SVOPL: variants seen among roughly 807,000 people sequenced by gnomAD.
SVOPL encodes putative transporter SVOPL.
In SVOPL, 60 loss-of-function variants were observed where a neutral mutation model predicts 61.0. The observed-to-expected ratio is 0.98, with a 90% CI of 0.80 to 1.22. The LOEUF (loss-of-function observed/expected upper bound fraction) is 1.22, where lower values mean the gene tolerates loss of function less well. Ranked by LOEUF, SVOPL falls within the 50% of genes most tolerant of loss-of-function variation. The probability of loss-of-function intolerance (pLI) is 0.00; values close to 1 mark genes in which losing one functional copy is unlikely to be tolerated. For missense variants in SVOPL, 662 were observed against 643.9 expected (o/e 1.03, Z -0.30); for synonymous variants, 279 against 250.0 (o/e 1.12, Z -1.09).
intron 14 of SVOPL, among the ~76,000 whole-genome samples, chr7:138,602,599 C>T (rs1798577952): frequency 6.6e-6 from 1 of 152,094 alleles, no homozygotes; most frequent in South Asian, 2.1e-4. Context: ...CCTCACTCCT[C>T]CCCCTTCCTT....
intron 14 of SVOPL, among the ~76,000 whole-genome samples, chr7:138,609,575 T>C (rs1398870782): frequency 4.0e-5 from 6 of 151,538 alleles, no homozygotes; most frequent in Admixed American, 1.3e-4. Context: ...AGGAGGATCA[T>C]GTGAGCCCAG....
intron 6 of SVOPL, 68 bp from the exon 7 acceptor site, chr7:138,656,579 A>T: frequency 6.5e-7 from 1 of 1,544,282 alleles, no homozygotes; most frequent in Non-Finnish European, 8.9e-7. Context: ...AAAAATAATC[A>T]GTTTTTCTTG....
Position 138,696,783 on chromosome 7 carries a change from G to A in SVOPL, c.-35+4395C>T, listed in dbSNP as rs1283319336. Reference sequence around the variant, plus strand: ...GGGGTCTTACCATGTTGACCAGACTGGTCTTAAACTCCTGGGCTCAGACAA... The same window carrying A: ...GGGGTCTTACCATGTTGACCAGACTAGTCTTAAACTCCTGGGCTCAGACAA... On this transcript the variant is annotated intron_variant, in intron 1 of 15. Transcript: ENST00000674285. 2.0e-5 allele frequency among the ~76,000 whole-genome samples: 3 copies of A among 151,168 alleles called. No individual in the cohort carries two copies. In the East Asian group the frequency reaches 5.8e-4, roughly 29 times the overall value.
At chr7:138,640,041 C>A (rs576459742) in intron 9 of SVOPL, among the ~76,000 whole-genome samples, 2 of 151,858 alleles carry the variant, frequency 1.3e-5, no homozygotes, top group Admixed American at 1.3e-4. Context: ...CAGGCCTGAG[C>A]TATCTCACAC....
intron 1 of SVOPL, among the ~76,000 whole-genome samples, chr7:138,697,947 A>G (rs1803106615): frequency 6.6e-6 from 1 of 152,058 alleles, no homozygotes; most frequent in Admixed American, 6.6e-5. Context: ...ATTTTATGCC[A>G]ACTAAATTAA....
At chr7:138,649,258 T>C in intron 7 of SVOPL, 121 bp from the exon 8 acceptor site, 2 of 1,311,914 alleles carry the variant, frequency 1.5e-6, no homozygotes, top group Non-Finnish European at 1.0e-6. Flanking sequence ...GCTTCACATA[T>C]CTTCTTTTGG....
chr7:138,662,826 G>T (rs1802058031), intron 5 of SVOPL: 2 of 1,323,246 alleles, frequency 1.5e-6, no homozygotes, highest in Non-Finnish European at 9.6e-7. Flanking sequence ...AGATTTCTTA[G>T]AACTCTATAA....
At chr7:138,611,240 T>C (rs547378445) in intron 14 of SVOPL, among the ~76,000 whole-genome samples, 59 of 152,236 alleles carry the variant, frequency 3.9e-4, no homozygotes, top group African/African-American at 1.3e-3. Flanking sequence ...TAGTGGGGCA[T>C]GGTGGTGTGC....
At chr7:138,686,694 T>C (rs2117133690) in intron 1 of SVOPL, among the ~76,000 whole-genome samples, 1 of 150,556 alleles carries the variant, frequency 6.6e-6, no homozygotes, top group South Asian at 2.1e-4. Context: ...GCCTCCCGAG[T>C]AGCATGCCTG....
intron 9 of SVOPL, among the ~76,000 whole-genome samples, chr7:138,638,084 G>A (rs1174516358): frequency 6.6e-6 from 1 of 152,014 alleles, no homozygotes; most frequent in African/African-American, 2.4e-5. Context: ...GAACAGCCTG[G>A]CTAACATGGT....
At chr7:138,696,987 A>G (rs1157745518) in intron 1 of SVOPL, among the ~76,000 whole-genome samples, 1 of 152,194 alleles carries the variant, frequency 6.6e-6, no homozygotes, top group African/African-American at 2.4e-5. Context: ...AGAAGTCCAC[A>G]TGGTAGCCTG....
At chr7:138,695,402 C>T (rs1185611339) in intron 1 of SVOPL, among the ~76,000 whole-genome samples, 1 of 152,138 alleles carries the variant, frequency 6.6e-6, no homozygotes, top group Non-Finnish European at 1.5e-5. Context: ...GTCCTCGCTA[C>T]CTGGGAGGCT....
At chr7:138,597,641 C>CGTGT (rs60875635) in intron 14 of SVOPL, among the ~76,000 whole-genome samples, 15,607 of 147,548 alleles carry the variant, frequency 0.11, 831 homozygotes, top group Middle Eastern at 0.15. Context: ...ATAACGTCTG[C>CGTGT]GTGTGTGTGT....
intron 1 of SVOPL, among the ~76,000 whole-genome samples, chr7:138,680,827 C>T (rs1306682182): frequency 6.6e-6 from 1 of 152,150 alleles, no homozygotes; most frequent in Admixed American, 6.6e-5. Flanking sequence ...AATCCGCCCG[C>T]ATCGGCCTCC....
intron 5 of SVOPL, chr7:138,661,015 G>C: frequency 1.0e-6 from 1 of 982,778 alleles, no homozygotes; most frequent in Non-Finnish European, 1.2e-6. Context: ...TTGATAATTT[G>C]TATTTCTTTT....
chr7:138,675,542 G>C (rs111411422), intron 3 of SVOPL, among the ~76,000 whole-genome samples: 1 of 152,004 alleles, frequency 6.6e-6, no homozygotes, highest in Non-Finnish European at 1.5e-5. Flanking sequence ...TTTTAGTAGA[G>C]ATGAGGGTTT....
intron 14 of SVOPL, among the ~76,000 whole-genome samples, chr7:138,604,971 T>C (rs996225341): frequency 2.6e-5 from 4 of 150,972 alleles, no homozygotes; most frequent in African/African-American, 9.7e-5. Flanking sequence ...ATCCCAGCAC[T>C]TTGGGAGGCT....
At chr7:138,594,696 A>G (rs1798207551) in intron 15 of SVOPL, 75 bp from the exon 16 acceptor site, 4 of 1,055,514 alleles carry the variant, frequency 3.8e-6, no homozygotes, top group Non-Finnish European at 5.3e-6. Context: ...GCTATCTGAT[A>G]TTTTAGTAAT....
intron 9 of SVOPL, among the ~76,000 whole-genome samples, chr7:138,641,325 G>A (rs1800772638): frequency 6.6e-6 from 1 of 150,746 alleles, no homozygotes; most frequent in African/African-American, 2.4e-5. Context: ...AATACTTCAA[G>A]TAATAAGACT....
Sources: allele counts gnomAD v4.1 joint callset (sites outside exome capture counted in the v4.1 genomes callset), GRCh38; gene constraint gnomAD v4.1.1; transcripts MANE v1.5; gene names NCBI Gene and HGNC (gene_info 2026-07-23, HGNC 2026-07-21).